The following TLK2 variants were observed in gnomAD, a reference collection of about 807,000 sequenced individuals.
TLK2 encodes the protein serine/threonine-protein kinase tousled-like 2.
In TLK2, 6 loss-of-function variants were observed where a neutral mutation model predicts 117.3. That is an observed-to-expected ratio of 0.05 (90% CI 0.03 to 0.10). The LOEUF (loss-of-function observed/expected upper bound fraction) is 0.10. Ranked by LOEUF, TLK2 falls within the 10% of genes least tolerant of loss-of-function variation. The pLI, the probability that TLK2 is intolerant of heterozygous loss-of-function variation, is 1.00. For synonymous variants in TLK2, 257 were observed against 316.7 expected, an observed-to-expected ratio of 0.81 and a Z score of 2.00; for missense variants, 299 against 901.2, an observed-to-expected ratio of 0.33 and a Z score of 8.56.
chr17:62,582,155 T>C (rs779024973), intron 15 of TLK2, among the ~76,000 whole-genome samples: 30 of 152,382 alleles, frequency 2.0e-4, no homozygotes, highest in South Asian at 4.1e-4. Context: ...TTTCAATTTC[T>C]TCTACAACTA....
chr17:62,603,512 G>A (rs974246473), intron 19 of TLK2, among the ~76,000 whole-genome samples: 5 of 151,954 alleles, frequency 3.3e-5, no homozygotes, highest in Non-Finnish European at 7.4e-5. Context: ...TTGGATTTGA[G>A]CTTTGTGTTT....
chr17:62,477,134 AG>A (rs2071074026), upstream of TLK2, among the ~76,000 whole-genome samples: 1 of 152,032 alleles, frequency 6.6e-6, no homozygotes, highest in Admixed American at 6.6e-5. Flanking sequence ...CATTTGATGG[AG>A]TTGCTTTCTT....
intron 11 of TLK2, among the ~76,000 whole-genome samples, chr17:62,568,835 T>G (rs1297205917): frequency 1.3e-5 from 2 of 151,918 alleles, no homozygotes; most frequent in East Asian, 3.9e-4. Context: ...TCCACCCACC[T>G]TGTCCTCCCA....
intron 7 of TLK2, among the ~76,000 whole-genome samples, chr17:62,537,076 T>C (rs1181114590): frequency 1.3e-5 from 2 of 152,184 alleles, no homozygotes; most frequent in Non-Finnish European, 2.9e-5. Context: ...TATTCCACTT[T>C]CAGGGGCATC....
intron 2 of TLK2, among the ~76,000 whole-genome samples, chr17:62,497,413 T>C (rs1215816272): frequency 8.5e-5 from 13 of 152,216 alleles, no homozygotes; most frequent in Admixed American, 8.5e-4. Flanking sequence ...GCTATGCACA[T>C]AATTATTAGA....
intron 15 of TLK2, among the ~76,000 whole-genome samples, chr17:62,584,327 G>A (rs2081449052): frequency 1.3e-5 from 2 of 151,772 alleles, no homozygotes; most frequent in South Asian, 2.1e-4. Flanking sequence ...CACCATGTTA[G>A]GATGGTCTCG....
At chr17:62,536,677 C>T (rs1236486532) in intron 7 of TLK2, among the ~76,000 whole-genome samples, 1 of 151,994 alleles carries the variant, frequency 6.6e-6, no homozygotes, top group East Asian at 1.9e-4. Flanking sequence ...AAAATAGAGT[C>T]TCCGAGTTCC....
At position 62,481,132 on chromosome 17, in the gene TLK2, G is replaced by A; in HGVS notation, c.7G>A (p.Glu3Lys). Residue 3 changes from glutamate to lysine, a missense_variant, in exon 2 of 22, where the codon GAA becomes AAA. Glu to Lys is a moderately conservative substitution (Grantham distance 56). Around this residue, in one of 4 missense-constraint regions of TLK2, gnomAD observed 105 missense variants for 218.4 expected, o/e 0.48. Transcript: ENST00000346027. MMEELHSLDPRRQ... is the reference protein window; with the variant it reads MMKELHSLDPRRQ... ...TTTTTCTTTTTCAGCAGAAATGATG[G>A]AAGAATTGCATAGCCTGGACCCACG... 1 of 1,613,780 alleles carries A rather than the reference G, an allele frequency of 6.2e-7. No individual in the cohort carries two copies. Among genetic ancestry groups the A allele is most frequent in the Non-Finnish European group, 8.5e-7 (1 of 1,179,770 alleles).
At chr17:62,545,685 A>G (rs1327375378) in intron 7 of TLK2, among the ~76,000 whole-genome samples, 6 of 152,058 alleles carry the variant, frequency 3.9e-5, no homozygotes, top group African/African-American at 1.4e-4. Context: ...AGGTTAACAA[A>G]GTTCCTCTTG....
At chr17:62,487,585 T>C (rs972981386) in intron 2 of TLK2, among the ~76,000 whole-genome samples, 5 of 150,008 alleles carry the variant, frequency 3.3e-5, no homozygotes, top group Admixed American at 3.3e-4. Context: ...TCTTTTAATC[T>C]GCAGGAATTC....
chr17:62,554,431 A>G (rs2078695174), intron 9 of TLK2, among the ~76,000 whole-genome samples: 1 of 151,956 alleles, frequency 6.6e-6, no homozygotes, highest in African/African-American at 2.4e-5. Context: ...AAAATATAAA[A>G]CGTTATCCTG....
intron 6 of TLK2, among the ~76,000 whole-genome samples, chr17:62,528,137 A>T (rs2076503993): frequency 6.6e-6 from 1 of 152,190 alleles, no homozygotes; most frequent in Non-Finnish European, 1.5e-5. Flanking sequence ...AATTTCCCCC[A>T]CTTGACATGT....
At chr17:62,605,371 A>T (rs1052530896) in intron 19 of TLK2, among the ~76,000 whole-genome samples, 17 of 152,046 alleles carry the variant, frequency 1.1e-4, no homozygotes, top group African/African-American at 4.1e-4. Flanking sequence ...CTGCCTCCCT[A>T]AGTTAGAGTG....
At chr17:62,497,831 G>A (rs2073845010) in intron 2 of TLK2, among the ~76,000 whole-genome samples, 1 of 152,082 alleles carries the variant, frequency 6.6e-6, no homozygotes, top group African/African-American at 2.4e-5. Context: ...AGTAGCTGGG[G>A]TTACAGTCCC....
intron 14 of TLK2, among the ~76,000 whole-genome samples, chr17:62,579,827 G>T (rs1054243158): frequency 4.6e-5 from 7 of 152,282 alleles, no homozygotes; most frequent in African/African-American, 1.7e-4. Flanking sequence ...TCATTGTATA[G>T]CAGGGCAGAA....
chr17:62,601,349 A>G (rs545763349), intron 18 of TLK2, among the ~76,000 whole-genome samples: 1 of 152,286 alleles, frequency 6.6e-6, no homozygotes, highest in South Asian at 2.1e-4. Context: ...TGTTTTAGAA[A>G]TCTGCATAGT....
chr17:62,506,958 TAATG>T (rs1210921909), intron 2 of TLK2, among the ~76,000 whole-genome samples: 1 of 152,220 alleles, frequency 6.6e-6, no homozygotes, highest in African/African-American at 2.4e-5. Context: ...ACTTTTATAA[TAATG>T]AGAACTGTAA....
chr17:62,570,096 G>A (rs2146549693), intron 11 of TLK2, among the ~76,000 whole-genome samples: 1 of 152,196 alleles, frequency 6.6e-6, no homozygotes, highest in East Asian at 1.9e-4. Flanking sequence ...GGTCATATTG[G>A]ATTAAGGTCC....
intron 15 of TLK2, among the ~76,000 whole-genome samples, chr17:62,581,667 T>C (rs2146803334): frequency 6.6e-6 from 1 of 152,088 alleles, no homozygotes; most frequent in Admixed American, 6.5e-5. Flanking sequence ...TCTTGAACTC[T>C]TGGGCTCAAG....
Sources: gnomAD v4.1 joint callset for allele counts (sites outside exome capture counted in the v4.1 genomes callset) on GRCh38, gnomAD v4.1.1 for gene constraint, gnomAD v4.1.1 regional missense constraint, MANE v1.5 for transcripts, NCBI Gene and HGNC (gene_info 2026-07-23, HGNC 2026-07-21) for gene names.